DNAH7: variants seen among roughly 807,000 people sequenced by gnomAD.
The protein encoded by DNAH7 is dynein axonemal heavy chain 7.
A neutral mutation model predicts 444.6 loss-of-function variants in DNAH7; 397 were observed. The observed-to-expected ratio is 0.89, with a 90% CI of 0.82 to 0.97. The LOEUF is 0.97. Ranked by LOEUF, DNAH7 falls within the 50% of genes least tolerant of loss-of-function variation. The probability of loss-of-function intolerance (pLI) is 0.00; values close to 1 mark genes in which losing one functional copy is unlikely to be tolerated. For synonymous variants in DNAH7, 1,636 were observed against 1,624.4 expected (o/e 1.01, Z -0.17); for missense variants, 4,902 against 4,800.8 (o/e 1.02, Z -0.62).
chr2:196,006,213 C>T (rs1694365106), intron 10 of DNAH7, among the ~76,000 whole-genome samples: 1 of 151,910 alleles, frequency 6.6e-6, no homozygotes, highest in Non-Finnish European at 1.5e-5. Flanking sequence ...GGATAAGGCA[C>T]AAGAAACACT....
chr2:195,919,596 C>T (rs1559224178), intron 24 of DNAH7, among the ~76,000 whole-genome samples: 2 of 152,194 alleles, frequency 1.3e-5, no homozygotes, highest in African/African-American at 2.4e-5. Context: ...CCATCCACCT[C>T]ATCCTCCCAA....
intron 1 of DNAH7, among the ~76,000 whole-genome samples, chr2:196,062,390 A>C (rs563335474): frequency 7.9e-5 from 12 of 152,302 alleles, no homozygotes; most frequent in Admixed American, 3.9e-4. Context: ...CTATGCTTGT[A>C]CCCAAGTAGG....
At chr2:196,037,089 T>C (rs1696441430) in intron 5 of DNAH7, among the ~76,000 whole-genome samples, 1 of 152,026 alleles carries the variant, frequency 6.6e-6, no homozygotes, top group African/African-American at 2.4e-5. Flanking sequence ...CATCACAGCC[T>C]CCACAAACAC....
intron 8 of DNAH7, among the ~76,000 whole-genome samples, chr2:196,022,042 G>T (rs753873385): frequency 6.6e-6 from 1 of 151,984 alleles, no homozygotes; most frequent in African/African-American, 2.4e-5. Context: ...CAGGAGAATC[G>T]CTTGAAACCC....
At chr2:195,947,676 CT>C (rs1344255532) in intron 19 of DNAH7, among the ~76,000 whole-genome samples, 1 of 152,204 alleles carries the variant, frequency 6.6e-6, no homozygotes, top group East Asian at 1.9e-4. Context: ...GCCACATTTT[CT>C]TTATCCAGTC....
chr2:195,835,605 G>A (rs1574523641), intron 47 of DNAH7, among the ~76,000 whole-genome samples: 1 of 151,986 alleles, frequency 6.6e-6, no homozygotes, highest in African/African-American at 2.4e-5. Flanking sequence ...CAGCACTTTC[G>A]GAGGCCGAGG....
chr2:195,840,193 T>C (rs969879792), intron 47 of DNAH7, among the ~76,000 whole-genome samples: 20 of 151,750 alleles, frequency 1.3e-4, no homozygotes. Flanking sequence ...AATGCAAGGC[T>C]AGTTCAACAT....
chr2:195,801,265 C>T (rs187747919), intron 54 of DNAH7, among the ~76,000 whole-genome samples: 34 of 151,786 alleles, frequency 2.2e-4, no homozygotes, highest in African/African-American at 8.0e-4. Flanking sequence ...TATTAACTAC[C>T]AAAAGTACTT....
chr2:195,943,012 C>T (rs1689563264), intron 19 of DNAH7, among the ~76,000 whole-genome samples: 1 of 152,074 alleles, frequency 6.6e-6, no homozygotes, highest in Admixed American at 6.6e-5. Context: ...CTGTGCTGTT[C>T]TCATGATAGT....
chr2:195,765,050 T>C (rs761495476), intron 61 of DNAH7, among the ~76,000 whole-genome samples: 6 of 151,970 alleles, frequency 3.9e-5, no homozygotes, highest in East Asian at 1.9e-4. Context: ...CACAGCCCAA[T>C]AGAACAGGAG....
intron 47 of DNAH7, among the ~76,000 whole-genome samples, chr2:195,835,178 T>C (rs1456729757): frequency 6.6e-6 from 1 of 152,116 alleles, no homozygotes; most frequent in Non-Finnish European, 1.5e-5. Context: ...TCTCTTTCTC[T>C]TAGAAGTTTC....
chr2:196,055,326 C>T (rs1697737694), intron 2 of DNAH7, among the ~76,000 whole-genome samples: 1 of 151,950 alleles, frequency 6.6e-6, no homozygotes, highest in African/African-American at 2.4e-5. Flanking sequence ...CTGGACAACA[C>T]AGCAAGACCT....
chr2:195,767,886 C>T lies in DNAH7; in HGVS notation c.11433+3774G>A, dbSNP rs545503625. 2.6e-4 allele frequency among the ~76,000 whole-genome samples: 39 copies of T among 151,650 alleles called. 2 individuals are homozygous for T. In the South Asian group the frequency reaches 6.4e-3, roughly 25 times the overall value. ...TAAAGAAGATAAAGAAACATGGCAA[C>T]GGAATGAAATATTTGATCCTGGTCT... is the stretch of plus-strand genomic sequence containing the variant. On this transcript the variant is annotated intron_variant, in intron 61 of 64. Transcript: ENST00000312428.
intron 34 of DNAH7, among the ~76,000 whole-genome samples, chr2:195,885,545 AAC>A (rs1479002221): frequency 6.8e-6 from 1 of 147,318 alleles, no homozygotes; most frequent in African/African-American, 2.6e-5. Context: ...TTTCTTTTAA[AAC>A]ATATAAGTTA....
chr2:196,051,797 T>G (rs1269765050), intron 2 of DNAH7, among the ~76,000 whole-genome samples: 1 of 151,896 alleles, frequency 6.6e-6, no homozygotes, highest in Non-Finnish European at 1.5e-5. Context: ...AAATAACAAG[T>G]TCTACCTAGG....
chr2:195,883,460 C>A (rs548710583), intron 35 of DNAH7, among the ~76,000 whole-genome samples: 91 of 149,756 alleles, frequency 6.1e-4, no homozygotes, highest in East Asian at 5.5e-3. Context: ...CTCCCCCCCC[C>A]CAAAAAAAAA....
intron 30 of DNAH7, 87 bp from the exon 31 acceptor site, chr2:195,891,891 G>C (rs1702034475): frequency 9.0e-7 from 1 of 1,110,280 alleles, no homozygotes; most frequent in Non-Finnish European, 1.2e-6. Flanking sequence ...AAAATCCTAA[G>C]GAATCTACAA....
chr2:195,954,939 G>A (rs1032124280), intron 19 of DNAH7, among the ~76,000 whole-genome samples: 5 of 151,994 alleles, frequency 3.3e-5, no homozygotes, highest in Admixed American at 1.3e-4. Context: ...TTGTCAGATG[G>A]GTAGATTGCA....
intron 54 of DNAH7, among the ~76,000 whole-genome samples, chr2:195,803,051 A>C (rs967955800): frequency 6.6e-6 from 1 of 152,240 alleles, no homozygotes; most frequent in African/African-American, 2.4e-5. Context: ...AAGATGAAAA[A>C]TATCCTAATT....
Sources: gnomAD v4.1 joint callset for allele counts (sites outside exome capture counted in the v4.1 genomes callset) on GRCh38, gnomAD v4.1.1 for gene constraint, MANE v1.5 for transcripts, NCBI Gene and HGNC (gene_info 2026-07-23, HGNC 2026-07-21) for gene names.